The following COG3 variants were observed in gnomAD, a reference collection of about 807,000 sequenced individuals.
The protein encoded by COG3 is component of oligomeric golgi complex 3, also known as conserved oligomeric Golgi complex subunit 3.
Under a neutral mutation model 114.1 loss-of-function variants are expected in COG3, and 32 were observed. The observed-to-expected ratio is 0.28, with a 90% CI of 0.21 to 0.38. COG3 has a LOEUF of 0.38. Among genes scored for constraint, COG3 ranks in the 10% least tolerant of loss-of-function variants. The probability of loss-of-function intolerance (pLI) is 1.00; values close to 1 mark genes in which losing one functional copy is unlikely to be tolerated. For synonymous variants in COG3, 352 were observed against 365.7 expected (o/e 0.96, Z 0.43); for missense variants, 813 against 973.2 (o/e 0.84, Z 2.19).
intron 4 of COG3, 36 bp downstream of exon 4, chr13:45,480,326 T>TTTA (rs764018028): frequency 1.5e-6 from 2 of 1,368,892 alleles, no homozygotes; most frequent in African/African-American, 1.5e-5. Context: ...AGTCATTATA[T>TTTA]TTAATATTTT....
chr13:45,506,077 T>C (rs936530192), intron 14 of COG3, among the ~76,000 whole-genome samples: 16 of 152,162 alleles, frequency 1.1e-4, no homozygotes, highest in Admixed American at 1.0e-3. Context: ...TTCTACTTTT[T>C]TAAAATGTGA....
In COG3 at chr13:45,465,042, GGAGGCGGCGCTGTTGCTGCTGCCT is replaced by G. The variant is rs762230625; in HGVS notation, c.16_39del (p.Leu6_Ala13del). ...AGGCCGCGAGGGCGGCGGCGATGGC[GGAGGCGGCGCTGTTGCTGCTGCCT>G]GAGGCGGCGGCGGAGCGGGACGCTA... On this transcript the variant is annotated inframe_deletion, in exon 1 of 23. Coordinates refer to ENST00000349995, the MANE Select transcript of COG3 (RefSeq NM_031431.4). 50 of 1,572,976 alleles carry G rather than the reference GGAGGCGGCGCTGTTGCTGCTGCCT, an allele frequency of 3.2e-5. 1 individual carries two copies. The highest frequency in any genetic ancestry group is 2.1e-4 in the Middle Eastern group (1 of 4,664).
chr13:45,531,846 T>A (rs946286519), intron 22 of COG3, among the ~76,000 whole-genome samples: 10 of 152,158 alleles, frequency 6.6e-5, no homozygotes, highest in African/African-American at 2.4e-4. Flanking sequence ...AGGAGAAAGA[T>A]GGGGTGGTAG....
Position 45,498,638 on chromosome 13 carries a change from TTTTTG to T in COG3, c.1488+2346_1488+2350del, listed in dbSNP as rs373378195. Among the ~76,000 whole-genome samples the T allele has an allele frequency of 3.9e-5, 6 of 152,154 alleles. No homozygotes were observed. In the South Asian group the frequency reaches 6.2e-4, roughly 16 times the overall value. ...ATCAGTTGACCATAGATTAATGGTT[TTTTTG>T]TTTTGTTTTGTTTTGTTTTTGGACT... is the stretch of plus-strand genomic sequence containing the variant. On this transcript the variant is annotated intron_variant, in intron 13 of 22. Transcript: ENST00000349995.
At chr13:45,521,608 C>T (rs956916703) in intron 19 of COG3, among the ~76,000 whole-genome samples, 1 of 152,040 alleles carries the variant, frequency 6.6e-6, no homozygotes, top group Admixed American at 6.6e-5. Flanking sequence ...CACACGCAAC[C>T]ATTTCAGACA....
At chr13:45,508,870 A>G (rs1337598675) in intron 14 of COG3, among the ~76,000 whole-genome samples, 1 of 152,050 alleles carries the variant, frequency 6.6e-6, no homozygotes, top group African/African-American at 2.4e-5. Context: ...TGGGAATTGG[A>G]TGTACTAACT....
At chr13:45,519,169 T>G (rs558153106) in intron 19 of COG3, 75 bp downstream of exon 19, 2 of 1,508,976 alleles carry the variant, frequency 1.3e-6, no homozygotes, top group African/African-American at 2.8e-5. Context: ...TACTCTCTTG[T>G]GTAAACTCTG....
chr13:45,535,446 T>C lies in COG3; in HGVS notation c.*715T>C, dbSNP rs535169974. ...TCATAGATACGTGCAGTATCTTTAA[T>C]GAGTATCTTCATGGTATGATAGTGT... On this transcript the variant is annotated 3_prime_UTR_variant, in exon 23 of 23. Transcript: ENST00000349995. 43 of 985,444 alleles carry C rather than the reference T, an allele frequency of 4.4e-5. No individual in the cohort carries two copies. The South Asian group carries it at 1.5e-3, about 34-fold the overall frequency. The allele number at this position is 985,444 out of a possible 1,614,324, so 61.0% of individuals were successfully genotyped here.
At chr13:45,498,695 G>A (rs937461107) in intron 13 of COG3, among the ~76,000 whole-genome samples, 1 of 148,256 alleles carries the variant, frequency 6.7e-6, no homozygotes, top group African/African-American at 2.5e-5. Context: ...TCATCTTTAT[G>A]TCTTATCCTG....
Position 45,500,090 on chromosome 13 carries a change from GTGTGTATA to G in COG3, c.1489-3152_1489-3145del, listed in dbSNP as rs1424819300. ...TGAGTGTGTGTGTGTGTGTGTGTGT[GTGTGTATA>G]TATATATATATATATATAAAAAAGA... is the stretch of plus-strand genomic sequence containing the variant. On this transcript the variant is annotated intron_variant, in intron 13 of 22. Coordinates refer to ENST00000349995, the MANE Select transcript of COG3 (RefSeq NM_031431.4). 7.4e-3 allele frequency among the ~76,000 whole-genome samples: 315 copies of G among 42,714 alleles called. 2 individuals carry two copies. Among genetic ancestry groups the G allele is most frequent in the African/African-American group, 0.019 (306 of 16,348 alleles). 28.0% of individuals were successfully genotyped at this position (42,714 alleles called of 152,430 possible). A position where few individuals can be genotyped will look rare whatever the true frequency, so the allele number is the denominator to read the frequency against.
At chr13:45,519,699 AAC>A (rs994884321) in intron 19 of COG3, among the ~76,000 whole-genome samples, 10 of 152,214 alleles carry the variant, frequency 6.6e-5, no homozygotes, top group African/African-American at 2.2e-4. Context: ...AGTATAATGA[AAC>A]AATGTTGAAC....
chr13:45,474,157 T>A (rs1294837496), intron 1 of COG3, among the ~76,000 whole-genome samples: 2 of 16,766 alleles, frequency 1.2e-4, no homozygotes, highest in African/African-American at 1.9e-4. Flanking sequence ...TACTCTTTTT[T>A]TTTTTTTTTT....
intron 8 of COG3, 121 bp from the exon 9 acceptor site, chr13:45,490,794 A>C (rs1380131932): frequency 2.1e-6 from 1 of 485,888 alleles, no homozygotes; most frequent in African/African-American, 2.0e-5. Context: ...GATTTTTATG[A>C]TTTTTAACTT....
chr13:45,529,737 G>T, intron 20 of COG3, 54 bp from the exon 21 acceptor site: 2 of 1,401,084 alleles, frequency 1.4e-6, no homozygotes, highest in Admixed American at 2.1e-5. Flanking sequence ...AATTAAAATG[G>T]AAATATTTCT....
In COG3 at chr13:45,486,964, A is replaced by C. The variant is rs541480876; in HGVS notation, c.924+389A>C. 1.5e-3 allele frequency among the ~76,000 whole-genome samples: 222 copies of C among 152,344 alleles called. 2 individuals carry two copies. Among genetic ancestry groups the C allele is most frequent in the African/African-American group, 4.5e-3 (188 of 41,584 alleles). ...ATCTTTATACTACAAAGACTCTCTC[A>C]CGAGGGATGTTACATGTCGTGCTAA... On this transcript the variant is annotated intron_variant, in intron 8 of 22. Transcript: ENST00000349995.
chr13:45,496,184 A>G lies in COG3; in HGVS notation c.1360A>G (p.Lys454Glu). 1 of 1,610,926 alleles carries G rather than the reference A, an allele frequency of 6.2e-7. No homozygotes were observed. Among genetic ancestry groups the G allele is most frequent in the Middle Eastern group, 1.7e-4 (1 of 6,048 alleles). The change falls in exon 13 of 23, where the codon AAG becomes GAG. Residue 454 changes from lysine to glutamate, a missense_variant. Coordinates refer to ENST00000349995, the MANE Select transcript of COG3 (RefSeq NM_031431.4). The part of the protein sequence containing the change: ...EQLGAFAAGV[K>E]QMLEDVQERL... The stretch of plus-strand genomic sequence containing the variant: ...ACTGGGGGCATTTGCAGCTGGAGTC[A>G]AGCAGATGTTAGAAGATGTACAGGA...
intron 16 of COG3, among the ~76,000 whole-genome samples, chr13:45,513,450 T>C (rs1181479215): frequency 1.1e-4 from 8 of 75,068 alleles, no homozygotes; most frequent in Admixed American, 3.3e-4. Context: ...ATATAAATTA[T>C]ATATATAATA....
intron 12 of COG3, among the ~76,000 whole-genome samples, chr13:45,495,933 A>T (rs928066322): frequency 6.6e-6 from 1 of 152,150 alleles, no homozygotes; most frequent in East Asian, 1.9e-4. Context: ...TAATAATATA[A>T]TTAAACAGAG....
chr13:45,534,179 C>T (rs2137939414), intron 22 of COG3, among the ~76,000 whole-genome samples: 1 of 152,362 alleles, frequency 6.6e-6, no homozygotes, highest in East Asian at 1.9e-4. Context: ...TTTAAAAAGT[C>T]ACTTAAAGGA....
Sources: allele counts gnomAD v4.1 joint callset (sites outside exome capture counted in the v4.1 genomes callset), GRCh38; gene constraint gnomAD v4.1.1; transcripts MANE v1.5; gene names NCBI Gene and HGNC (gene_info 2026-07-23, HGNC 2026-07-21).